Variants in SLC26A5 observed in about 807,000 individuals in gnomAD.
SLC26A5 encodes the protein solute carrier family 26 member 5, also known as prestin.
Under a neutral mutation model 81.0 loss-of-function variants are expected in SLC26A5, and 51 were observed. The ratio of observed to expected loss-of-function variants is 0.63; its 90% CI spans 0.50 to 0.80. The LOEUF is 0.80. Ranked by LOEUF, SLC26A5 falls within the 30% of genes least tolerant of loss-of-function variation. The pLI is 0.00. For missense variants in SLC26A5, 771 were observed against 905.8 expected, an observed-to-expected ratio of 0.85 and a Z score of 1.91; for synonymous variants, 325 against 332.8, an observed-to-expected ratio of 0.98 and a Z score of 0.25.
intron 19 of SLC26A5, chr7:103,368,219 A>G: frequency 1.5e-6 from 1 of 668,098 alleles, no homozygotes; most frequent in Non-Finnish European, 2.3e-6. Flanking sequence ...ATTAGGCAGA[A>G]AAGCTTGTTA....
At chr7:103,380,126 A>T (rs1444982180) in intron 15 of SLC26A5, among the ~76,000 whole-genome samples, 1 of 152,158 alleles carries the variant, frequency 6.6e-6, no homozygotes, top group Non-Finnish European at 1.5e-5. Context: ...CCACAGCCCC[A>T]CCATCTACAT....
intron 8 of SLC26A5, among the ~76,000 whole-genome samples, 196 bp from the exon 9 acceptor site, chr7:103,398,210 TAC>T (rs930598710): frequency 2.1e-4 from 32 of 152,322 alleles, no homozygotes; most frequent in African/African-American, 6.5e-4. Context: ...AAATGAACTC[TAC>T]AGAGTTTATG....
chr7:103,359,414 GATC>G (rs530306243), intron 19 of SLC26A5, among the ~76,000 whole-genome samples: 8 of 151,968 alleles, frequency 5.3e-5, no homozygotes, highest in Non-Finnish European at 4.4e-5. Context: ...ATTGTGCATT[GATC>G]ATCACTATCT....
chr7:103,376,931 A>G (rs943800799), intron 18 of SLC26A5, 69 bp from the exon 19 acceptor site: 5 of 1,094,396 alleles, frequency 4.6e-6, no homozygotes, highest in East Asian at 2.4e-5. Flanking sequence ...CTTTTTACCA[A>G]TGTTTTTCGT....
chr7:103,400,546 T>C (rs1017740448), intron 8 of SLC26A5, among the ~76,000 whole-genome samples: 4 of 152,244 alleles, frequency 2.6e-5, no homozygotes, highest in Middle Eastern at 3.2e-3. Context: ...TAGTTTCTTT[T>C]GCTGTGCAGA....
At chr7:103,418,752 G>A (rs558926069) in intron 4 of SLC26A5, among the ~76,000 whole-genome samples, 1 of 152,252 alleles carries the variant, frequency 6.6e-6, no homozygotes, top group South Asian at 2.1e-4. Flanking sequence ...CTGACCTACA[G>A]CTGTTCAAGC....
chr7:103,428,177 A>G (rs1001596962), intron 2 of SLC26A5, among the ~76,000 whole-genome samples: 2 of 152,102 alleles, frequency 1.3e-5, no homozygotes, highest in Non-Finnish European at 2.9e-5. Context: ...TAATTTAATA[A>G]TTCTAGAATC....
At chr7:103,355,871 C>CAAT in intron 19 of SLC26A5, 1 of 942,316 alleles carries the variant, frequency 1.1e-6, no homozygotes, top group South Asian at 1.9e-5. Flanking sequence ...AGGGATAATG[C>CAAT]AATAGTTCAT....
intron 4 of SLC26A5, among the ~76,000 whole-genome samples, chr7:103,419,121 G>A (rs1052659507): frequency 2.0e-5 from 3 of 152,094 alleles, no homozygotes; most frequent in Admixed American, 6.6e-5. Flanking sequence ...GACTTTGCTC[G>A]TTTGCCTTCT....
intron 7 of SLC26A5, among the ~76,000 whole-genome samples, chr7:103,408,690 A>G (rs1019960275): frequency 1.3e-5 from 2 of 152,236 alleles, no homozygotes; most frequent in Non-Finnish European, 2.9e-5. Context: ...AAAAGCTTTT[A>G]GGAGCTCAAA....
intron 8 of SLC26A5, among the ~76,000 whole-genome samples, chr7:103,398,808 T>C (rs929863422): frequency 6.6e-6 from 1 of 152,044 alleles, no homozygotes; most frequent in African/African-American, 2.4e-5. Flanking sequence ...AGGAAACAAA[T>C]AATAAACTTA....
chr7:103,362,556 C>G, intron 19 of SLC26A5: 2 of 1,412,758 alleles, frequency 1.4e-6, no homozygotes, highest in Non-Finnish European at 1.9e-6. Flanking sequence ...CTTTATTTCT[C>G]TTTATATAAT....
intron 7 of SLC26A5, 63 bp from the exon 8 acceptor site, chr7:103,408,066 C>G: frequency 6.3e-7 from 1 of 1,596,718 alleles, no homozygotes; most frequent in Admixed American, 1.7e-5. Flanking sequence ...GACAGAGACA[C>G]TCTAGCGCAC....
chr7:103,412,254 G>A (rs1412530035), intron 5 of SLC26A5, among the ~76,000 whole-genome samples: 4 of 152,182 alleles, frequency 2.6e-5, no homozygotes, highest in Non-Finnish European at 5.9e-5. Flanking sequence ...GCCTTATGCA[G>A]CACCAGAACT....
At chr7:103,397,825 T>G in intron 9 of SLC26A5, 107 bp downstream of exon 9, 1 of 844,472 alleles carries the variant, frequency 1.2e-6, no homozygotes, top group Non-Finnish European at 2.0e-6. Flanking sequence ...CTATTTGATG[T>G]ATAGAAAAAA....
chr7:103,363,484 T>G, intron 19 of SLC26A5: 1 of 1,526,936 alleles, frequency 6.5e-7, no homozygotes, highest in Middle Eastern at 1.7e-4. Flanking sequence ...TATAAAGATG[T>G]CTTTTGTGTA....
At chr7:103,434,986 T>C (rs190402901) in intron 2 of SLC26A5, 7 of 152,310 alleles carry the variant, frequency 4.6e-5, no homozygotes, top group African/African-American at 9.6e-5. Context: ...TTGTTATTAA[T>C]ATTATTATTT....
intron 9 of SLC26A5, among the ~76,000 whole-genome samples, chr7:103,393,981 T>A (rs1299898968): frequency 1.3e-5 from 2 of 152,232 alleles, no homozygotes; most frequent in Non-Finnish European, 2.9e-5. Context: ...TCAATGGCCC[T>A]GTGAACTAGG....
chr7:103,399,729 C>T (rs546284213), intron 8 of SLC26A5, among the ~76,000 whole-genome samples: 51 of 152,270 alleles, frequency 3.3e-4, no homozygotes, highest in African/African-American at 1.2e-3. Flanking sequence ...CAGCCCCTGA[C>T]CCATGGACAG....
Sources: allele counts gnomAD v4.1 joint callset (sites outside exome capture counted in the v4.1 genomes callset), GRCh38; gene constraint gnomAD v4.1.1; transcripts MANE v1.5; gene names NCBI Gene and HGNC (gene_info 2026-07-23, HGNC 2026-07-21).